The following EYA4 variants were observed in gnomAD, a reference collection of about 807,000 sequenced individuals.
EYA4 encodes the protein EYA transcriptional coactivator and phosphatase 4.
Under a neutral mutation model 87.9 loss-of-function variants are expected in EYA4, and 31 were observed. That is an observed-to-expected ratio of 0.35 (90% CI 0.27 to 0.48). The LOEUF (loss-of-function observed/expected upper bound fraction) is 0.48, where lower values mean the gene tolerates loss of function less well. Among genes scored for constraint, EYA4 ranks in the 20% least tolerant of loss-of-function variants. EYA4 has a pLI of 0.99. For synonymous variants in EYA4, 263 were observed against 270.6 expected (o/e 0.97, Z 0.28); for missense variants, 678 against 761.4 (o/e 0.89, Z 1.29).
At chr6:133,279,171 A>G (rs1725170498) in intron 2 of EYA4, among the ~76,000 whole-genome samples, 1 of 152,160 alleles carries the variant, frequency 6.6e-6, no homozygotes, top group Non-Finnish European at 1.5e-5. Context: ...AGGTTTGAAA[A>G]GAAATATATT....
At chr6:133,491,615 G>T (rs761756105) in intron 13 of EYA4, among the ~76,000 whole-genome samples, 9 of 151,960 alleles carry the variant, frequency 5.9e-5, no homozygotes, top group Non-Finnish European at 1.2e-4. Flanking sequence ...AGTCCAAAAC[G>T]TGAACACACC....
intron 2 of EYA4, among the ~76,000 whole-genome samples, chr6:133,356,496 C>T (rs970120989): frequency 3.3e-5 from 5 of 151,952 alleles, no homozygotes; most frequent in African/African-American, 4.8e-5. Context: ...TGTTTTATTT[C>T]TGAGGTTATT....
chr6:133,350,063 C>G (rs1364343667), intron 2 of EYA4, among the ~76,000 whole-genome samples: 1 of 152,040 alleles, frequency 6.6e-6, no homozygotes, highest in Non-Finnish European at 1.5e-5. Context: ...AGAATAATTC[C>G]TAGAATCTTT....
intron 13 of EYA4, among the ~76,000 whole-genome samples, chr6:133,500,855 C>G (rs530777092): frequency 6.6e-6 from 1 of 152,294 alleles, no homozygotes; most frequent in East Asian, 1.9e-4. Context: ...GGTGACTGCT[C>G]TCCTTCTCTG....
chr6:133,439,273 A>G (rs1431050812), intron 3 of EYA4: 4 of 152,032 alleles, frequency 2.6e-5, no homozygotes, highest in Admixed American at 6.6e-5. Context: ...CCTGACTGCC[A>G]TTTAAACTCA....
At chr6:133,372,515 A>G (rs2128465460) in intron 2 of EYA4, among the ~76,000 whole-genome samples, 1 of 152,030 alleles carries the variant, frequency 6.6e-6, no homozygotes, top group East Asian at 1.9e-4. Context: ...TTTAAAACTC[A>G]AAAATGTTGC....
At chr6:133,485,271 C>G (rs756049551) in intron 13 of EYA4, among the ~76,000 whole-genome samples, 45 of 152,070 alleles carry the variant, frequency 3.0e-4, no homozygotes, top group Non-Finnish European at 5.6e-4. Flanking sequence ...TAGAGACTCT[C>G]TATGCATCCT....
At chr6:133,366,388 G>A (rs150256420) in intron 2 of EYA4, among the ~76,000 whole-genome samples, 4 of 152,162 alleles carry the variant, frequency 2.6e-5, no homozygotes, top group Non-Finnish European at 5.9e-5. Context: ...AGAACTAAGA[G>A]GATGAATCTC....
chr6:133,458,320 C>A (rs1794081750), intron 6 of EYA4, among the ~76,000 whole-genome samples: 1 of 152,048 alleles, frequency 6.6e-6, no homozygotes, highest in African/African-American at 2.4e-5. Flanking sequence ...TTTTGAAAAT[C>A]ATCAAGTACG....
intron 1 of EYA4, among the ~76,000 whole-genome samples, chr6:133,252,010 CAT>C (rs1167351708): frequency 2.6e-5 from 4 of 152,154 alleles, no homozygotes; most frequent in African/African-American, 9.7e-5. Flanking sequence ...CCATCTCCAG[CAT>C]ATTTTCCTTT....
chr6:133,395,006 T>C (rs530691210), intron 3 of EYA4, among the ~76,000 whole-genome samples: 1 of 152,334 alleles, frequency 6.6e-6, no homozygotes, highest in South Asian at 2.1e-4. Context: ...TTTAGAATTA[T>C]TTATATACAA....
chr6:133,508,032 T>C (rs1168607307), intron 14 of EYA4, among the ~76,000 whole-genome samples: 1 of 152,142 alleles, frequency 6.6e-6, no homozygotes, highest in Non-Finnish European at 1.5e-5. Flanking sequence ...GACAAGGTCT[T>C]AAATCCAGTT....
chr6:133,372,790 A>T (rs1266294756), intron 2 of EYA4, among the ~76,000 whole-genome samples: 11 of 151,644 alleles, frequency 7.3e-5, no homozygotes, highest in Non-Finnish European at 1.2e-4. Context: ...ATATATAGAG[A>T]TATATGTTGT....
At chr6:133,364,649 C>T (rs909431284) in intron 2 of EYA4, among the ~76,000 whole-genome samples, 1 of 152,220 alleles carries the variant, frequency 6.6e-6, no homozygotes, top group African/African-American at 2.4e-5. Flanking sequence ...CTGCTGTTGA[C>T]ACATTTTCAG....
chr6:133,464,045 A>G (rs1225467274), intron 9 of EYA4, among the ~76,000 whole-genome samples: 1 of 152,112 alleles, frequency 6.6e-6, no homozygotes, highest in East Asian at 1.9e-4. Flanking sequence ...ATTGCTAGTC[A>G]AAACACATTG....
At chr6:133,253,322 G>A (rs1319178395) in intron 1 of EYA4, among the ~76,000 whole-genome samples, 2 of 152,088 alleles carry the variant, frequency 1.3e-5, no homozygotes, top group Non-Finnish European at 2.9e-5. Context: ...GGCACTTTAT[G>A]CCAGATATTG....
intron 14 of EYA4, among the ~76,000 whole-genome samples, chr6:133,506,927 G>A (rs573977656): frequency 6.6e-6 from 1 of 152,258 alleles, no homozygotes; most frequent in African/African-American, 2.4e-5. Context: ...TAACTAAATA[G>A]TTCAGGTTCT....
intron 2 of EYA4, among the ~76,000 whole-genome samples, chr6:133,331,008 A>G (rs1324507054): frequency 8.7e-6 from 1 of 114,518 alleles, no homozygotes; most frequent in Non-Finnish European, 1.8e-5. Context: ...CTATTTGATT[A>G]TTTTGTATAA....
chr6:133,352,751 T>C (rs370322274), intron 2 of EYA4, among the ~76,000 whole-genome samples: 7 of 152,190 alleles, frequency 4.6e-5, no homozygotes, highest in African/African-American at 1.7e-4. Context: ...GCCAGAATTG[T>C]AGCTGGATTG....
Sources: gnomAD v4.1 joint callset for allele counts (sites outside exome capture counted in the v4.1 genomes callset) on GRCh38, gnomAD v4.1.1 for gene constraint, MANE v1.5 for transcripts, NCBI Gene and HGNC (gene_info 2026-07-23, HGNC 2026-07-21) for gene names.